MMP16: variants seen among roughly 807,000 people sequenced by gnomAD.
MMP16 encodes the protein matrix metalloproteinase-16.
A neutral mutation model predicts 67.8 loss-of-function variants in MMP16; 12 were observed. That is an observed-to-expected ratio of 0.18 (90% CI 0.11 to 0.29). The LOEUF is 0.29. Among genes scored for constraint, MMP16 ranks in the 10% least tolerant of loss-of-function variants. The pLI, the probability that MMP16 is intolerant of heterozygous loss-of-function variation, is 1.00. For synonymous variants in MMP16, 249 were observed against 255.9 expected (o/e 0.97, Z 0.26); for missense variants, 475 against 765.7 (o/e 0.62, Z 4.48).
chr8:88,046,709 G>T lies in MMP16; in HGVS notation c.1449C>A (p.Ile483=), dbSNP rs773350264. The T allele has an allele frequency of 1.9e-6, 3 of 1,610,566 alleles. No individual in the cohort carries two copies. The highest frequency in any genetic ancestry group is 2.2e-5 in the East Asian group (1 of 44,768). The change falls in exon 9 of 10, where the codon ATC becomes ATA. Residue 483 remains isoleucine (I), a synonymous_variant. Transcript: ENST00000286614. The part of the protein sequence containing the change: ...YPKPITVWKG[I]PESPQGAFVH... ...CAAATGCTCCCTGAGGAGATTCAGG[G>T]ATCCCTTTCCAGACTGTGATTGGCT... is the stretch of plus-strand genomic sequence containing the variant.
intron 3 of MMP16, among the ~76,000 whole-genome samples, chr8:88,173,208 C>T (rs767446593): frequency 3.3e-5 from 5 of 152,018 alleles, no homozygotes; most frequent in African/African-American, 7.2e-5. Flanking sequence ...TGCACCACCA[C>T]GCCTGGCTAA....
At chr8:88,261,799 A>G (rs1339739588) in intron 1 of MMP16, among the ~76,000 whole-genome samples, 1 of 150,690 alleles carries the variant, frequency 6.6e-6, no homozygotes, top group Non-Finnish European at 1.5e-5. Flanking sequence ...ACACAACCAT[A>G]TAACCATTTA....
chr8:88,225,601 T>C (rs1809756738), intron 1 of MMP16, among the ~76,000 whole-genome samples: 1 of 152,114 alleles, frequency 6.6e-6, no homozygotes, highest in Non-Finnish European at 1.5e-5. Flanking sequence ...TTTCCATGTA[T>C]TCACTTTGAA....
At chr8:88,294,672 A>C (rs919422004) in intron 1 of MMP16, among the ~76,000 whole-genome samples, 6 of 152,070 alleles carry the variant, frequency 3.9e-5, no homozygotes, top group African/African-American at 1.4e-4. Flanking sequence ...TATAACTATA[A>C]TGTTTTCTTA....
intron 1 of MMP16, among the ~76,000 whole-genome samples, chr8:88,260,750 T>C (rs889570013): frequency 1.3e-5 from 2 of 152,276 alleles, no homozygotes; most frequent in East Asian, 1.9e-4. Flanking sequence ...AGAAAAAATA[T>C]ATGAAGTATA....
chr8:88,262,935 G>T (rs1810411455), intron 1 of MMP16, among the ~76,000 whole-genome samples: 1 of 150,638 alleles, frequency 6.6e-6, no homozygotes, highest in Non-Finnish European at 1.5e-5. Flanking sequence ...TGAGGCAGGA[G>T]AATGGCGTGA....
In MMP16 at chr8:88,226,876, GTATTTATTTATT is replaced by G. The variant is rs33911567; in HGVS notation, c.133-29582_133-29571del. Among the ~76,000 whole-genome samples, 597 of 148,448 alleles carry G rather than the reference GTATTTATTTATT, an allele frequency of 4.0e-3. 2 individuals are homozygous for G. Among genetic ancestry groups the G allele is most frequent in the African/African-American group, 0.012 (465 of 40,284 alleles). ...TAATGAAAGAGTACTCAGCCTACAC[GTATTTATTTATT>G]TATTTATTTATTTATTTATTTATTC... is the stretch of plus-strand genomic sequence containing the variant. On this transcript the variant is annotated intron_variant, in intron 1 of 9. Coordinates refer to ENST00000286614, the MANE Select transcript of MMP16 (RefSeq NM_005941.5).
chr8:88,183,712 CTTTT>C (rs71277981), intron 3 of MMP16, among the ~76,000 whole-genome samples: 7 of 92,068 alleles, frequency 7.6e-5, no homozygotes, highest in African/African-American at 2.0e-4. Context: ...AAATGTCCTT[CTTTT>C]TTTTTTTTTT....
intron 1 of MMP16, among the ~76,000 whole-genome samples, chr8:88,284,290 C>T (rs959500900): frequency 6.6e-6 from 1 of 152,126 alleles, no homozygotes; most frequent in Non-Finnish European, 1.5e-5. Flanking sequence ...GGATAAATTG[C>T]TCTTGAACAA....
At chr8:88,264,300 AG>A (rs1251388997) in intron 1 of MMP16, among the ~76,000 whole-genome samples, 1 of 152,104 alleles carries the variant, frequency 6.6e-6, no homozygotes, top group Non-Finnish European at 1.5e-5. Context: ...CCTGGACTCA[AG>A]TGATCCTTCT....
At chr8:88,109,171 CATTT>C (rs1229586623) in intron 6 of MMP16, among the ~76,000 whole-genome samples, 2 of 151,158 alleles carry the variant, frequency 1.3e-5, no homozygotes, top group East Asian at 3.9e-4. Flanking sequence ...ATGAGTTATT[CATTT>C]GTGTCAAAAA....
chr8:88,142,952 A>C (rs1808235944), intron 4 of MMP16, among the ~76,000 whole-genome samples: 1 of 152,210 alleles, frequency 6.6e-6, no homozygotes, highest in Admixed American at 6.5e-5. Flanking sequence ...AAGACTAATA[A>C]TCATTTTGTC....
chr8:88,108,613 G>A (rs886146646), intron 6 of MMP16, among the ~76,000 whole-genome samples: 3 of 151,224 alleles, frequency 2.0e-5, no homozygotes, highest in South Asian at 4.1e-4. Flanking sequence ...GATTGATAGC[G>A]CTGGGATTGA....
At chr8:88,242,025 T>G (rs1810042319) in intron 1 of MMP16, among the ~76,000 whole-genome samples, 1 of 152,188 alleles carries the variant, frequency 6.6e-6, no homozygotes, top group Non-Finnish European at 1.5e-5. Flanking sequence ...TGTATATCAA[T>G]TTTTCAGTTT....
At chr8:88,102,832 T>C (rs1809168270) in intron 6 of MMP16, among the ~76,000 whole-genome samples, 1 of 151,862 alleles carries the variant, frequency 6.6e-6, no homozygotes, top group African/African-American at 2.4e-5. Flanking sequence ...TGCCCAAATC[T>C]CTTTTTTGCT....
intron 6 of MMP16, among the ~76,000 whole-genome samples, chr8:88,097,029 T>C (rs1586149397): frequency 6.6e-6 from 1 of 151,894 alleles, no homozygotes; most frequent in African/African-American, 2.4e-5. Context: ...ACTGTAGGTT[T>C]TAGTTCTACC....
chr8:88,326,870 T>A, intron 1 of MMP16: 1 of 542,156 alleles, frequency 1.8e-6, no homozygotes, highest in Non-Finnish European at 3.2e-6. Context: ...TCGTGCTTTG[T>A]GCTGCCGGGG....
intron 2 of MMP16, 45 bp from the exon 3 acceptor site, chr8:88,186,643 A>G: frequency 1.3e-6 from 2 of 1,542,198 alleles, no homozygotes; most frequent in South Asian, 2.4e-5. Flanking sequence ...TTTTCCAGTT[A>G]TTTACTAACA....
chr8:88,102,591 C>T (rs986670407), intron 6 of MMP16, among the ~76,000 whole-genome samples: 1 of 151,738 alleles, frequency 6.6e-6, no homozygotes, highest in Non-Finnish European at 1.5e-5. Context: ...CCTTCAGTCC[C>T]TCTCCCCTCC....
Sources: gnomAD v4.1 joint callset for allele counts (sites outside exome capture counted in the v4.1 genomes callset) on GRCh38, gnomAD v4.1.1 for gene constraint, MANE v1.5 for transcripts, NCBI Gene and HGNC (gene_info 2026-07-23, HGNC 2026-07-21) for gene names.